HTRA3: variants seen among roughly 807,000 people sequenced by gnomAD.
HTRA3 encodes the protein serine protease HTRA3.
Under a neutral mutation model 43.2 loss-of-function variants are expected in HTRA3, and 41 were observed. The ratio of observed to expected loss-of-function variants is 0.95; its 90% CI spans 0.74 to 1.23. HTRA3 has a LOEUF of 1.23. HTRA3 is among the 50% of genes most tolerant of loss of function. The probability of loss-of-function intolerance (pLI) is 0.00; values close to 1 mark genes in which losing one functional copy is unlikely to be tolerated. For synonymous variants in HTRA3, 295 were observed against 287.9 expected (o/e 1.02, Z -0.25); for missense variants, 628 against 647.1 (o/e 0.97, Z 0.32).
intron 1 of HTRA3, among the ~76,000 whole-genome samples, chr4:8,277,026 G>A (rs953832029): frequency 2.6e-5 from 4 of 152,222 alleles, no homozygotes; most frequent in South Asian, 2.1e-4. Context: ...GGTGTGGCCC[G>A]TGGAGGGGGA....
At chr4:8,301,168 T>C (rs376688183) in intron 6 of HTRA3, among the ~76,000 whole-genome samples, 1,913 of 130,554 alleles carry the variant, frequency 0.015, 37 homozygotes, top group African/African-American at 0.049. Flanking sequence ...GACTCACACT[T>C]TATTATTCAC....
In HTRA3 at chr4:8,297,072, G is replaced by T. The variant is rs987598051; in HGVS notation, c.1051+2871G>T. 1.3e-5 allele frequency among the ~76,000 whole-genome samples: 2 copies of T among 152,134 alleles called. No homozygotes were observed. The highest frequency in any genetic ancestry group is 2.4e-5 in the African/African-American group (1 of 41,518). ...GGTCCCTTGGTCTCAGAAGCCAAAA[G>T]GTTCCCTGGTCTCAGAAGCCATAAG... On this transcript the variant is annotated intron_variant, in intron 6 of 8. Coordinates refer to ENST00000307358, the MANE Select transcript of HTRA3 (RefSeq NM_053044.5). This position sits in a 1 kb window ranked among gnomAD's most constrained non-coding sequence, Gnocchi z 5.8.
intron 6 of HTRA3, 97 bp downstream of exon 6, chr4:8,294,298 G>C (rs1713360719): frequency 1.2e-6 from 1 of 868,754 alleles, no homozygotes; most frequent in African/African-American, 1.7e-5. Flanking sequence ...CCCACCGGAG[G>C]TGCTGGGTGA....
chr4:8,270,933 A>G (rs947969155), intron 1 of HTRA3, among the ~76,000 whole-genome samples: 1 of 152,148 alleles, frequency 6.6e-6, no homozygotes, highest in Non-Finnish European at 1.5e-5. Flanking sequence ...GTTGCATCTC[A>G]CCGTGCAGGT....
At chr4:8,280,981 C>A (rs1277444058) in intron 1 of HTRA3, among the ~76,000 whole-genome samples, 7 of 152,200 alleles carry the variant, frequency 4.6e-5, no homozygotes, top group African/African-American at 1.7e-4. Flanking sequence ...AGGAGGCCTG[C>A]GGCCTGCGTT....
rs1713451772 is a variant in HTRA3, at chr4:8,296,274, G to T, written c.1051+2073G>T. 1.0e-6 allele frequency: 1 copy of T among 985,410 alleles called. No individual in the cohort carries two copies. The highest frequency in any genetic ancestry group is 1.7e-5 in the African/African-American group (1 of 57,228). 61.0% of individuals were successfully genotyped at this position (985,410 alleles called of 1,614,324 possible). A position where few individuals can be genotyped will look rare whatever the true frequency, so the allele number is the denominator to read the frequency against. ...TGTTGTACAGGGGCTGTCCCAGTTA[G>T]TGCTGACCTCATCCCAGAACCCCCT... On this transcript the variant is annotated intron_variant, in intron 6 of 8. Coordinates refer to ENST00000307358, the MANE Select transcript of HTRA3 (RefSeq NM_053044.5). The surrounding 1 kb of genome is among the most constrained non-coding windows in gnomAD (Gnocchi z 5.3).
At chr4:8,302,590 G>T in intron 7 of HTRA3, 79 bp downstream of exon 7, 1 of 1,395,222 alleles carries the variant, frequency 7.2e-7, no homozygotes. Flanking sequence ...GACCCTGGCT[G>T]GCTGTGTTCG....
chr4:8,304,158 G>A (rs745823193), intron 7 of HTRA3, 26 bp from the exon 8 acceptor site: 6 of 1,594,880 alleles, frequency 3.8e-6, no homozygotes, highest in Non-Finnish European at 5.2e-6. Context: ...CTCAGGGGAG[G>A]GGCCTTGACG....
At chr4:8,272,495 G>A (rs922667112) in intron 1 of HTRA3, among the ~76,000 whole-genome samples, 8 of 152,250 alleles carry the variant, frequency 5.3e-5, no homozygotes, top group African/African-American at 1.9e-4. Flanking sequence ...CTTGCTCACC[G>A]TGAGTTTCCT....
chr4:8,283,984 T>C (rs1208883707), intron 2 of HTRA3, among the ~76,000 whole-genome samples: 2 of 152,196 alleles, frequency 1.3e-5, no homozygotes, highest in East Asian at 3.9e-4. Context: ...TCCCGGGCTC[T>C]CCAGCAGAGG....
chr4:8,305,124 C>T (rs1416267065), intron 8 of HTRA3, among the ~76,000 whole-genome samples: 2 of 152,194 alleles, frequency 1.3e-5, no homozygotes, highest in South Asian at 2.1e-4. Context: ...TCCTTAGCCT[C>T]GGTCTTCATC....
chr4:8,283,489 G>A (rs1241429121), intron 2 of HTRA3, among the ~76,000 whole-genome samples: 5 of 152,212 alleles, frequency 3.3e-5, no homozygotes, highest in South Asian at 2.1e-4. Context: ...ATGTCTGATC[G>A]CTCACACCGA....
chr4:8,294,016 A>C, intron 5 of HTRA3, 71 bp from the exon 6 acceptor site: 1 of 985,578 alleles, frequency 1.0e-6, no homozygotes, highest in South Asian at 1.5e-5. Context: ...AGAGCTGTGG[A>C]CACAGTGCTT....
chr4:8,303,875 C>T (rs1713746749), intron 7 of HTRA3, among the ~76,000 whole-genome samples: 1 of 152,180 alleles, frequency 6.6e-6, no homozygotes, highest in Admixed American at 6.5e-5. Context: ...TCCTTCTATC[C>T]ACCCATCCAG....
chr4:8,269,927 G>T lies in HTRA3; in HGVS notation c.-42G>T, dbSNP rs1395904667. On this transcript the variant is annotated 5_prime_UTR_variant, in exon 1 of 9. Coordinates refer to ENST00000307358, the MANE Select transcript of HTRA3 (RefSeq NM_053044.5). ...GGCCTCGTTGTCCCCGCCGGCCCCC[G>T]CCCGGTCTCCCGCGCTGCCACCCGC... The T allele has an allele frequency of 7.1e-6, 7 of 980,466 alleles. No homozygotes were observed. The highest frequency in any genetic ancestry group is 1.8e-5 in the African/African-American group (1 of 57,076). The allele number at this position is 980,466 out of a possible 1,614,324, so 60.7% of individuals were successfully genotyped here. A position where few individuals can be genotyped will look rare whatever the true frequency, so the allele number is the denominator to read the frequency against.
rs189616869 is a variant in HTRA3 at position 8,290,206 on chromosome 4, C to T, written c.709-1164C>T. Among the ~76,000 whole-genome samples the T allele has an allele frequency of 1.0e-3, 155 of 152,360 alleles. 1 individual carries two copies. The highest frequency in any genetic ancestry group is 1.6e-3 in the Non-Finnish European group (109 of 68,036). ...GCGGCCTGAGTCTTTCCCACACCAG[C>T]GCCCGCCCACCAAGGGCTCCCGTAA... On this transcript the variant is annotated intron_variant, in intron 3 of 8. Coordinates refer to ENST00000307358, the MANE Select transcript of HTRA3 (RefSeq NM_053044.5).
At chr4:8,270,981 T>C (rs1380279324) in intron 1 of HTRA3, among the ~76,000 whole-genome samples, 1 of 152,190 alleles carries the variant, frequency 6.6e-6, no homozygotes, top group Non-Finnish European at 1.5e-5. Flanking sequence ...GAAAACCTGC[T>C]GTACCTTTTT....
Position 8,295,752 on chromosome 4 carries a change from A to G in HTRA3, c.1051+1551A>G, listed in dbSNP as rs1302947676. ...GCTTCCTCACGTTTCCCCCTCCTCC[A>G]TGACCCCGTCAGCCAAGCACATGGA... On this transcript the variant is annotated intron_variant, in intron 6 of 8. Transcript: ENST00000307358. This position sits in a 1 kb window ranked among gnomAD's most constrained non-coding sequence, Gnocchi z 6.9. The G allele has an allele frequency of 3.0e-6, 4 of 1,316,974 alleles. No homozygotes were observed. The African/African-American group carries it at 6.1e-5, about 20-fold the overall frequency. 81.6% of individuals were successfully genotyped at this position (1,316,974 alleles called of 1,614,324 possible). A position where few individuals can be genotyped will look rare whatever the true frequency, so the allele number is the denominator to read the frequency against.
chr4:8,282,110 T>C lies in HTRA3; in HGVS notation c.386-327T>C, dbSNP rs113792750. On this transcript the variant is annotated intron_variant, in intron 1 of 8. Coordinates refer to ENST00000307358, the MANE Select transcript of HTRA3 (RefSeq NM_053044.5). Reference sequence around the variant, plus strand: ...ACCCGAGATCCAGCCCTGGCCTCACTCCCGTGTGGCTCACGGCAATATCCT... The same window carrying C: ...ACCCGAGATCCAGCCCTGGCCTCACCCCCGTGTGGCTCACGGCAATATCCT... Among the ~76,000 whole-genome samples, 122 of 152,270 alleles carry C rather than the reference T, an allele frequency of 8.0e-4. 1 individual carries two copies. Among genetic ancestry groups the C allele is most frequent in the African/African-American group, 2.8e-3 (115 of 41,548 alleles).
Sources: allele counts gnomAD v4.1 joint callset (sites outside exome capture counted in the v4.1 genomes callset), GRCh38; gene constraint gnomAD v4.1.1; non-coding constraint Gnocchi (gnomAD v3.1); transcripts MANE v1.5; gene names NCBI Gene and HGNC (gene_info 2026-07-23, HGNC 2026-07-21).